The following APBA2 variants were observed in gnomAD, a reference collection of about 807,000 sequenced individuals.
The protein encoded by APBA2 is amyloid beta precursor protein binding family A member 2, also known as amyloid-beta A4 precursor protein-binding family A member 2.
A neutral mutation model predicts 75.0 loss-of-function variants in APBA2; 30 were observed. The observed-to-expected ratio is 0.40, with a 90% CI of 0.30 to 0.54. The LOEUF (loss-of-function observed/expected upper bound fraction) is 0.54, where lower values mean the gene tolerates loss of function less well. Among genes scored for constraint, APBA2 ranks in the 20% least tolerant of loss-of-function variants. The probability of loss-of-function intolerance (pLI) is 0.49; values close to 1 mark genes in which losing one functional copy is unlikely to be tolerated. For synonymous variants in APBA2, 444 were observed against 409.6 expected, an observed-to-expected ratio of 1.08 and a Z score of -1.01; for missense variants, 801 against 1,016.1, an observed-to-expected ratio of 0.79 and a Z score of 2.88.
intron 13 of APBA2, among the ~76,000 whole-genome samples, chr15:29,113,154 C>T (rs115362902): frequency 1.3e-5 from 2 of 152,168 alleles, no homozygotes; most frequent in East Asian, 3.9e-4. Context: ...CGGGTGTGCA[C>T]GGCGCCTGTT....
chr15:29,096,388 C>T (rs114552029), intron 8 of APBA2, among the ~76,000 whole-genome samples: 2,973 of 152,314 alleles, frequency 0.02, 62 homozygotes, highest in African/African-American at 0.05. Flanking sequence ...CTCAGGTTTC[C>T]TCCACAATTG....
Position 29,108,266 on chromosome 15 carries a change from G to A in APBA2, c.1918-4G>A, listed in dbSNP as rs1380624114. The A allele has an allele frequency of 1.2e-6, 2 of 1,613,740 alleles. No homozygotes were observed. Among genetic ancestry groups the A allele is most frequent in the African/African-American group, 1.3e-5 (1 of 75,042 alleles). Reference sequence around the variant, plus strand: ...CCTGTGACTCCTGTCCCCGTGCTCTGCAGGGCCTGAAGAACCAGACACAGG... The same window carrying A: ...CCTGTGACTCCTGTCCCCGTGCTCTACAGGGCCTGAAGAACCAGACACAGG... On this transcript the variant is annotated splice_polypyrimidine_tract_variant and splice_region_variant and intron_variant, in intron 12 of 14. Coordinates refer to ENST00000683413, the MANE Select transcript of APBA2 (RefSeq NM_001353788.2).
chr15:29,068,332 TG>T (rs1459587069), intron 4 of APBA2, among the ~76,000 whole-genome samples: 12 of 152,226 alleles, frequency 7.9e-5, no homozygotes, highest in African/African-American at 2.7e-4. Context: ...GCAGCCATGC[TG>T]GCCCCTAAGC....
At chr15:29,101,304 G>A (rs1024821050) in intron 9 of APBA2, among the ~76,000 whole-genome samples, 2 of 151,018 alleles carry the variant, frequency 1.3e-5, no homozygotes, top group South Asian at 2.1e-4. Flanking sequence ...ATCTCGGCTC[G>A]ATGCAACCTC....
At chr15:28,930,275 G>T (rs1360600363) in intron 2 of APBA2, among the ~76,000 whole-genome samples, 1 of 152,140 alleles carries the variant, frequency 6.6e-6, no homozygotes, top group Non-Finnish European at 1.5e-5. Flanking sequence ...GGACCATAAG[G>T]TCCATCTGGG....
intron 3 of APBA2, among the ~76,000 whole-genome samples, chr15:29,021,698 A>G (rs1271610172): frequency 1.3e-5 from 2 of 152,084 alleles, no homozygotes; most frequent in Non-Finnish European, 2.9e-5. Flanking sequence ...TAACTGTACA[A>G]TACAGTGTTG....
At chr15:28,937,985 G>A (rs1212358751) in intron 2 of APBA2, among the ~76,000 whole-genome samples, 1 of 152,162 alleles carries the variant, frequency 6.6e-6, no homozygotes, top group Non-Finnish European at 1.5e-5. Flanking sequence ...TTCATTAGAA[G>A]TAAGTCAGGG....
At chr15:29,050,610 C>T (rs114892229) in intron 3 of APBA2, among the ~76,000 whole-genome samples, 2,039 of 152,246 alleles carry the variant, frequency 0.013, 58 homozygotes, top group African/African-American at 0.046. Flanking sequence ...TCAGTGTTTT[C>T]ATTTTTGAAA....
intron 4 of APBA2, among the ~76,000 whole-genome samples, chr15:29,061,605 C>G (rs749565203): frequency 6.6e-6 from 1 of 152,242 alleles, no homozygotes; most frequent in African/African-American, 2.4e-5. Context: ...GAGGCCACAT[C>G]GAATGCAGAA....
intron 2 of APBA2, among the ~76,000 whole-genome samples, chr15:28,928,185 T>A (rs1354809414): frequency 3.3e-5 from 5 of 151,704 alleles, no homozygotes; most frequent in African/African-American, 9.7e-5. Context: ...TTTTGTCTTC[T>A]AGCATGCCTT....
intron 3 of APBA2, among the ~76,000 whole-genome samples, chr15:29,047,645 T>C (rs952410937): frequency 1.1e-4 from 17 of 152,230 alleles, no homozygotes; most frequent in African/African-American, 3.6e-4. Flanking sequence ...CAAGGGTGCC[T>C]GTTAGTGCCA....
rs1317738915 is a variant in APBA2 at position 29,045,460 on chromosome 15, AC to A, written c.-40-8381del. ...CTCATGACCTCATCACTCCCCAAAG[AC>A]CCCACCTCCTAATGCCATCACACTG... On this transcript the variant is annotated intron_variant, in intron 3 of 14. Transcript: ENST00000683413. 2.0e-5 allele frequency among the ~76,000 whole-genome samples: 3 copies of A among 151,158 alleles called. No individual in the cohort carries two copies. In the East Asian group the frequency reaches 5.9e-4, roughly 30 times the overall value.
At chr15:29,001,814 A>G (rs1237170639) in intron 3 of APBA2, among the ~76,000 whole-genome samples, 1 of 152,004 alleles carries the variant, frequency 6.6e-6, no homozygotes, top group African/African-American at 2.4e-5. Flanking sequence ...CTTTTTTTTA[A>G]AAGATGGAAA....
intron 6 of APBA2, among the ~76,000 whole-genome samples, chr15:29,087,574 G>C (rs79742918): frequency 6.6e-6 from 1 of 152,158 alleles, no homozygotes; most frequent in African/African-American, 2.4e-5. Context: ...CTTCTCTTTC[G>C]TATCAGCCAT....
chr15:29,026,279 CA>C (rs1340903459), intron 3 of APBA2, among the ~76,000 whole-genome samples: 1 of 152,312 alleles, frequency 6.6e-6, no homozygotes, highest in East Asian at 1.9e-4. Flanking sequence ...CACTCAGGTG[CA>C]TCTGCCATAC....
At chr15:29,013,811 C>T (rs1045823294) in intron 3 of APBA2, among the ~76,000 whole-genome samples, 3 of 152,150 alleles carry the variant, frequency 2.0e-5, no homozygotes, top group Admixed American at 6.5e-5. Flanking sequence ...CTAGTTAGGC[C>T]TTAAAGAAAT....
chr15:28,897,182 GACACACACACAC>G (rs368122549), intron 1 of APBA2, among the ~76,000 whole-genome samples: 3 of 148,150 alleles, frequency 2.0e-5, no homozygotes, highest in South Asian at 4.4e-4. Context: ...CAAAAGACAC[GACACACACACAC>G]ACACACACAC....
At chr15:29,038,268 C>T (rs2040846283) in intron 3 of APBA2, among the ~76,000 whole-genome samples, 1 of 152,336 alleles carries the variant, frequency 6.6e-6, no homozygotes, top group African/African-American at 2.4e-5. Flanking sequence ...CAGGCACGTC[C>T]CTCCACAGCA....
chr15:28,907,614 A>C (rs935054987), intron 1 of APBA2, among the ~76,000 whole-genome samples: 2 of 152,200 alleles, frequency 1.3e-5, no homozygotes, highest in African/African-American at 4.8e-5. Flanking sequence ...TCTGCACCTA[A>C]GTGATTTGTT....
Sources: gnomAD v4.1 joint callset for allele counts (sites outside exome capture counted in the v4.1 genomes callset) on GRCh38, gnomAD v4.1.1 for gene constraint, MANE v1.5 for transcripts, NCBI Gene and HGNC (gene_info 2026-07-23, HGNC 2026-07-21) for gene names.